The following CD164 variants were observed in gnomAD, a reference collection of about 807,000 sequenced individuals.
CD164 encodes the protein sialomucin core protein 24.
A neutral mutation model predicts 24.6 loss-of-function variants in CD164; 11 were observed. That is an observed-to-expected ratio of 0.45 (90% CI 0.28 to 0.74). CD164 has a LOEUF of 0.74. Ranked by LOEUF, CD164 falls within the 30% of genes least tolerant of loss-of-function variation. The pLI is 0.13. For synonymous variants in CD164, 126 were observed against 100.3 expected, an observed-to-expected ratio of 1.26 and a Z score of -1.53; for missense variants, 295 against 243.7, an observed-to-expected ratio of 1.21 and a Z score of -1.40.
At position 109,368,252 on chromosome 6, in the gene CD164, T is replaced by C; in HGVS notation, c.*599A>G. On this transcript the variant is annotated 3_prime_UTR_variant, in exon 6 of 6. Transcript: ENST00000310786. ...GATGCTTTACAAGTATGAACAATAA[T>C]CTGTTATACACACTAATGGTATCCT... The C allele has an allele frequency of 6.6e-7, 1 of 1,523,020 alleles. No homozygotes were observed. Among genetic ancestry groups the C allele is most frequent in the Non-Finnish European group, 8.8e-7 (1 of 1,132,232 alleles). The allele number at this position is 1,523,020 out of a possible 1,614,324, so 94.3% of individuals were successfully genotyped here.
At position 109,382,364 on chromosome 6, in the gene CD164, G is replaced by A. The variant is rs373195063; in HGVS notation, c.15C>T (p.Ser5=). 16 of 1,547,650 alleles carry A rather than the reference G, an allele frequency of 1.0e-5. No homozygotes were observed. Among genetic ancestry groups the A allele is most frequent in the East Asian group, 4.8e-5 (2 of 41,300 alleles). The change falls in exon 1 of 6, where the codon TCC becomes TCT. Residue 5 remains serine, a synonymous_variant. Coordinates refer to ENST00000310786, the MANE Select transcript of CD164 (RefSeq NM_006016.6). ...AGGTGGCGGCCCAAAGCAGTGAGCG[G>A]GAGAGCCGCGACATCGTGTCCTCAG... MSRL[S]RSLLWAATCL...
At position 109,368,474 on chromosome 6, in the gene CD164, T is replaced by C. The variant is rs1582464919; in HGVS notation, c.*377A>G. On this transcript the variant is annotated 3_prime_UTR_variant, in exon 6 of 6. Transcript: ENST00000310786. ...TCTCATTTGGCACGTTCTTCTCAAT[T>C]CTGTTCACTAAATTAAAATTACTAA... The C allele has an allele frequency of 7.3e-7, 1 of 1,371,316 alleles. No homozygotes were observed. The highest frequency in any genetic ancestry group is 9.4e-7 in the Non-Finnish European group (1 of 1,066,996). 84.9% of individuals were successfully genotyped at this position (1,371,316 alleles called of 1,614,324 possible).
intron 3 of CD164, among the ~76,000 whole-genome samples, chr6:109,376,719 T>TTTCA: frequency 6.6e-6 from 1 of 152,380 alleles, no homozygotes; most frequent in South Asian, 2.1e-4. Flanking sequence ...AGTTTTCCTT[T>TTTCA]AAATCAGTTT....
intron 4 of CD164, chr6:109,372,537 A>G (rs1771138759): frequency 6.6e-6 from 1 of 152,092 alleles, no homozygotes; most frequent in Admixed American, 6.6e-5. Flanking sequence ...TTTCCCTCTT[A>G]CTTCAAGCAT....
Position 109,366,676 on chromosome 6 carries a change from T to C in CD164, c.*2175A>G, listed in dbSNP as rs1300791187. 1.3e-5 allele frequency: 2 copies of C among 152,532 alleles called. No individual in the cohort carries two copies. The highest frequency in any genetic ancestry group is 6.5e-5 in the Admixed American group (1 of 15,278). 9.4% of individuals were successfully genotyped at this position (152,532 alleles called of 1,614,324 possible). A position where few individuals can be genotyped will look rare whatever the true frequency, so the allele number is the denominator to read the frequency against. On this transcript the variant is annotated 3_prime_UTR_variant, in exon 6 of 6. Transcript: ENST00000310786. The stretch of plus-strand genomic sequence containing the variant: ...AAATAAGGTATTTGATAGAAGAACA[T>C]CTGCAAGAACAAATCAGATGAAAAA...
intron 3 of CD164, 73 bp downstream of exon 3, chr6:109,377,827 C>G (rs149239921): frequency 9.2e-7 from 1 of 1,082,924 alleles, no homozygotes; most frequent in African/African-American, 1.5e-5. Flanking sequence ...AGCACTGAAA[C>G]AAGGCTTTCT....
chr6:109,369,001 A>G lies in CD164; in HGVS notation c.444T>C (p.Thr148=), dbSNP rs951052282. Residue 148 remains threonine (T), a synonymous_variant, in exon 6 of 6, where the codon ACT becomes ACC. Coordinates refer to ENST00000310786, the MANE Select transcript of CD164 (RefSeq NM_006016.6). ...GCACAGGTTGTGAGGTTGGAGTCAC[A>G]GTGTTATTTGTTGTACCTGTTAGAT... ...TVTTSGTTNN[T]VTPTSQPVRK... is the part of the protein sequence containing the mutation. 2.5e-6 allele frequency: 4 copies of G among 1,612,636 alleles called. No individual in the cohort carries two copies. Among genetic ancestry groups the G allele is most frequent in the East Asian group, 2.2e-5 (1 of 44,840 alleles).
chr6:109,378,114 A>C, intron 2 of CD164, 143 bp from the exon 3 acceptor site: 1 of 617,140 alleles, frequency 1.6e-6, no homozygotes, highest in Non-Finnish European at 2.9e-6. Flanking sequence ...TTTGACCTAA[A>C]GTTAAACCCA....
intron 3 of CD164, among the ~76,000 whole-genome samples, chr6:109,377,103 C>T (rs9480942): frequency 0.25 from 38,031 of 152,084 alleles, 5,605 homozygotes; most frequent in South Asian, 0.47. Context: ...TGCCACTGCA[C>T]TCCAGCCTGG....
chr6:109,368,831 T>C lies in CD164; in HGVS notation c.*20A>G, dbSNP rs530032465. 12 of 1,600,838 alleles carry C rather than the reference T, an allele frequency of 7.5e-6. No homozygotes were observed. In the African/African-American group the frequency reaches 1.4e-4, roughly 18 times the overall value. ...GTTACACAAATGAATCACCAGTCCT[T>C]ATTAATTCAATGGGTCTGTTTACAG... On this transcript the variant is annotated 3_prime_UTR_variant, in exon 6 of 6. Coordinates refer to ENST00000310786, the MANE Select transcript of CD164 (RefSeq NM_006016.6).
chr6:109,370,273 G>GATCC (rs1771003312), intron 5 of CD164, 138 bp downstream of exon 5: 1 of 669,066 alleles, frequency 1.5e-6, no homozygotes. Context: ...GCACTACCTT[G>GATCC]ATCCCCCCTA....
At chr6:109,379,421 G>C (rs1326154144) in intron 2 of CD164, among the ~76,000 whole-genome samples, 158 bp downstream of exon 2, 2 of 152,180 alleles carry the variant, frequency 1.3e-5, no homozygotes, top group Non-Finnish European at 2.9e-5. Context: ...AGATTTTCAG[G>C]GGGAGTGCGA....
At chr6:109,373,407 A>C (rs1582475512) in intron 4 of CD164, among the ~76,000 whole-genome samples, 1 of 152,308 alleles carries the variant, frequency 6.6e-6, no homozygotes, top group East Asian at 1.9e-4. Flanking sequence ...GACGGTACAC[A>C]TGCCCGGAAA....
chr6:109,378,992 A>G (rs1220829181), intron 2 of CD164, among the ~76,000 whole-genome samples: 2 of 152,200 alleles, frequency 1.3e-5, no homozygotes, highest in Non-Finnish European at 2.9e-5. Context: ...GGTTCTAATA[A>G]GAATCTTATT....
Position 109,377,896 on chromosome 6 carries a change from T to C in CD164, c.331+4A>G, listed in dbSNP as rs1771504302. 2 of 1,611,612 alleles carry C rather than the reference T, an allele frequency of 1.2e-6. No individual in the cohort carries two copies. The highest frequency in any genetic ancestry group is 2.2e-5 in the East Asian group (1 of 44,878). On this transcript the variant is annotated splice_donor_region_variant and intron_variant, in intron 3 of 5. Coordinates refer to ENST00000310786, the MANE Select transcript of CD164 (RefSeq NM_006016.6). ...GCTTCCAAGCAGCCAATATGAATAC[T>C]TACCGGAACAGAAGTCTGTCGTGTT...
At chr6:109,381,607 G>A (rs1771752977) in intron 1 of CD164, 1 of 702,378 alleles carries the variant, frequency 1.4e-6, no homozygotes, top group Non-Finnish European at 2.6e-6. Context: ...CACTAACTAC[G>A]TGCTCAAACG....
At chr6:109,380,886 G>A (rs1036149961) in intron 1 of CD164, among the ~76,000 whole-genome samples, 1 of 152,084 alleles carries the variant, frequency 6.6e-6, no homozygotes, top group Non-Finnish European at 1.5e-5. Flanking sequence ...AAAATAGTGC[G>A]GTTAGAATTC....
Position 109,382,406 on chromosome 6 carries a change from A to C in CD164, c.-28T>G. On this transcript the variant is annotated 5_prime_UTR_variant, in exon 1 of 6. Transcript: ENST00000310786. Reference sequence around the variant, plus strand: ...TGTCCTCAGCGCTGGCGTTCGGGAGAAAGCTAAGGCTCGCAACGCTCAGTC... The same window carrying C: ...TGTCCTCAGCGCTGGCGTTCGGGAGCAAGCTAAGGCTCGCAACGCTCAGTC... The C allele has an allele frequency of 2.0e-6, 3 of 1,495,854 alleles. No homozygotes were observed. Among genetic ancestry groups the C allele is most frequent in the South Asian group, 2.5e-5 (2 of 79,328 alleles). The allele number at this position is 1,495,854 out of a possible 1,614,324, so 92.7% of individuals were successfully genotyped here. A position where few individuals can be genotyped will look rare whatever the true frequency, so the allele number is the denominator to read the frequency against.
rs752639259 is a variant in CD164 at position 109,377,928 on chromosome 6, T to C, written c.303A>G (p.Gln101=). 1 of 1,613,908 alleles carries C rather than the reference T, an allele frequency of 6.2e-7. No individual in the cohort carries two copies. Among genetic ancestry groups the C allele is most frequent in the Middle Eastern group, 1.7e-4 (1 of 6,060 alleles). ...AACAGAAGTCTGTCGTGTTCCCCACTTGACAATCACTAACTGTTGAGTTAT... is the reference window on the plus strand; with the variant it reads ...AACAGAAGTCTGTCGTGTTCCCCACCTGACAATCACTAACTGTTGAGTTAT... ...CSHNSTVSDC[Q]VGNTTDFCSV... The change falls in exon 3 of 6, where the codon CAA becomes CAG. Residue 101 remains glutamine (Q), a synonymous_variant. Transcript: ENST00000310786.
Sources: allele counts gnomAD v4.1 joint callset (sites outside exome capture counted in the v4.1 genomes callset), GRCh38; gene constraint gnomAD v4.1.1; transcripts MANE v1.5; gene names NCBI Gene and HGNC (gene_info 2026-07-23, HGNC 2026-07-21).